NLGN1: variants seen among roughly 807,000 people sequenced by gnomAD.
The protein encoded by NLGN1 is neuroligin 1, also known as neuroligin-1.
NLGN1 carries 12 observed loss-of-function variants against 65.5 expected under a neutral mutation model. The observed-to-expected ratio is 0.18, with a 90% CI of 0.12 to 0.30. The LOEUF (loss-of-function observed/expected upper bound fraction) is 0.30, where lower values mean the gene tolerates loss of function less well. NLGN1 is among the 10% of genes least tolerant of loss of function. NLGN1 has a pLI of 1.00. For synonymous variants in NLGN1, 350 were observed against 359.5 expected (o/e 0.97, Z 0.30); for missense variants, 750 against 1,007.1 (o/e 0.74, Z 3.46).
intron 2 of NLGN1, among the ~76,000 whole-genome samples, chr3:173,489,746 G>A (rs563264997): frequency 4.6e-5 from 7 of 151,858 alleles, no homozygotes; most frequent in South Asian, 2.1e-4. Flanking sequence ...TCCAGCACCT[G>A]TTGTTTCCTG....
At chr3:173,469,439 T>G (rs1724946205) in intron 2 of NLGN1, among the ~76,000 whole-genome samples, 1 of 152,076 alleles carries the variant, frequency 6.6e-6, no homozygotes, top group African/African-American at 2.4e-5. Context: ...GCAGTCTGAT[T>G]ACACAGGCCA....
chr3:173,788,206 C>CAAAAAAA (rs537790655), intron 3 of NLGN1, among the ~76,000 whole-genome samples: 42 of 60,722 alleles, frequency 6.9e-4, no homozygotes, highest in East Asian at 3.2e-3. Flanking sequence ...TGACATTTTG[C>CAAAAAAA]AAAAAAAAAA....
chr3:173,438,721 A>G (rs891121628), intron 2 of NLGN1, among the ~76,000 whole-genome samples: 1 of 152,136 alleles, frequency 6.6e-6, no homozygotes, highest in Non-Finnish European at 1.5e-5. Flanking sequence ...ATTCTAAAGA[A>G]AGATTAAAGG....
intron 4 of NLGN1, among the ~76,000 whole-genome samples, chr3:174,076,555 G>A (rs1238374781): frequency 6.6e-6 from 1 of 152,080 alleles, no homozygotes. Flanking sequence ...ATGTTTTTCT[G>A]TATTCTCTTT....
At chr3:173,567,179 A>C (rs1040786884) in intron 2 of NLGN1, among the ~76,000 whole-genome samples, 3 of 152,102 alleles carry the variant, frequency 2.0e-5, no homozygotes, top group Non-Finnish European at 4.4e-5. Context: ...GAGAACTGTA[A>C]AACACATACA....
intron 2 of NLGN1, among the ~76,000 whole-genome samples, chr3:173,501,830 T>G (rs1353261612): frequency 6.6e-6 from 1 of 152,036 alleles, no homozygotes; most frequent in Non-Finnish European, 1.5e-5. Flanking sequence ...ATTTTTCTCT[T>G]TCTTATTAAA....
chr3:174,002,927 C>T lies in NLGN1; in HGVS notation c.646+195095C>T, dbSNP rs900968187. On this transcript the variant is annotated intron_variant, in intron 4 of 6. Transcript: ENST00000457714. ...AGGTCAGGATAAAGTCGTGAGTAGT[C>T]CATTTATCCATCAATTGTCAATGCT... is the stretch of plus-strand genomic sequence containing the variant. 2.0e-5 allele frequency among the ~76,000 whole-genome samples: 3 copies of T among 152,100 alleles called. 1 individual carries two copies. Among genetic ancestry groups the T allele is most frequent in the African/African-American group, 7.2e-5 (3 of 41,414 alleles).
intron 2 of NLGN1, among the ~76,000 whole-genome samples, chr3:173,498,510 A>G: frequency 6.6e-6 from 1 of 151,812 alleles, no homozygotes; most frequent in Non-Finnish European, 1.5e-5. Flanking sequence ...GCCGCAATAA[A>G]CATACGTGTG....
chr3:173,758,258 C>T lies in NLGN1; in HGVS notation c.494-49422C>T, dbSNP rs1365180987. Among the ~76,000 whole-genome samples the T allele has an allele frequency of 2.0e-5, 3 of 151,986 alleles. No individual in the cohort carries two copies. In the Admixed American group the frequency reaches 2.0e-4, roughly 10 times the overall value. On this transcript the variant is annotated intron_variant, in intron 3 of 6. Transcript: ENST00000457714. ...TTTGTCTTGATCTTGGATTTCCCAG[C>T]CTCCAGAACTGTGAGAAATAAATTT...
At chr3:174,208,510 C>T (rs1735838055) in intron 4 of NLGN1, among the ~76,000 whole-genome samples, 1 of 152,106 alleles carries the variant, frequency 6.6e-6, no homozygotes, top group South Asian at 2.1e-4. Context: ...AGTCTAGGGT[C>T]AGATATAGGG....
intron 3 of NLGN1, among the ~76,000 whole-genome samples, chr3:173,702,169 G>A (rs1165457007): frequency 2.7e-5 from 4 of 149,374 alleles, no homozygotes; most frequent in Non-Finnish European, 4.5e-5. Context: ...AACCCGGGAG[G>A]CGGAGCTTGC....
intron 4 of NLGN1, among the ~76,000 whole-genome samples, chr3:174,191,902 A>C (rs919816468): frequency 6.6e-6 from 1 of 152,158 alleles, no homozygotes; most frequent in African/African-American, 2.4e-5. Context: ...AATTTACTTT[A>C]AGTAGGTTCC....
intron 4 of NLGN1, among the ~76,000 whole-genome samples, chr3:174,079,949 T>C (rs1741797232): frequency 6.6e-6 from 1 of 152,064 alleles, no homozygotes; most frequent in Non-Finnish European, 1.5e-5. Flanking sequence ...AGGCTTAATA[T>C]CTGGGTGGTG....
In NLGN1 at chr3:174,017,764, A is replaced by G. The variant is rs542847129; in HGVS notation, c.646+209932A>G. Reference sequence around the variant, plus strand: ...TACAAATAGGGTGTGGGTCACAGAGATCACATGCTTCACAAGGTAATAAAA... The same window carrying G: ...TACAAATAGGGTGTGGGTCACAGAGGTCACATGCTTCACAAGGTAATAAAA... On this transcript the variant is annotated intron_variant, in intron 4 of 6. Coordinates refer to ENST00000457714, the Ensembl canonical transcript of NLGN1. 2.0e-5 allele frequency among the ~76,000 whole-genome samples: 3 copies of G among 152,248 alleles called. No homozygotes were observed. In the East Asian group the frequency reaches 5.8e-4, roughly 29 times the overall value.
intron 4 of NLGN1, among the ~76,000 whole-genome samples, chr3:173,873,811 CAA>C (rs1731630620): frequency 6.6e-6 from 1 of 151,974 alleles, no homozygotes; most frequent in African/African-American, 2.4e-5. Context: ...AACTGTTTCC[CAA>C]AAAAGTCATA....
At chr3:173,974,935 A>G (rs561060305) in intron 4 of NLGN1, among the ~76,000 whole-genome samples, 1 of 152,204 alleles carries the variant, frequency 6.6e-6, no homozygotes, top group South Asian at 2.1e-4. Context: ...TCAAGAGCCA[A>G]TAACCCTTTT....
At chr3:173,959,070 C>G (rs954099291) in intron 4 of NLGN1, among the ~76,000 whole-genome samples, 1 of 152,194 alleles carries the variant, frequency 6.6e-6, no homozygotes, top group African/African-American at 2.4e-5. Context: ...CCCAGGCCCT[C>G]GAGAGTGCAG....
chr3:173,462,484 G>A (rs946998253), intron 2 of NLGN1, among the ~76,000 whole-genome samples: 1 of 151,976 alleles, frequency 6.6e-6, no homozygotes, highest in South Asian at 2.1e-4. Flanking sequence ...TTTAATTCCT[G>A]GACTTAAGGC....
In NLGN1 at chr3:173,632,860, T is replaced by G. The variant is rs1488673612; in HGVS notation, c.493+27769T>G. ...GTGTTTTTTTTTTTGTTTTTTTTTT[T>G]TTTTTTTAATAGTTGTCTTCTCAAA... is the stretch of plus-strand genomic sequence containing the variant. On this transcript the variant is annotated intron_variant, in intron 3 of 6. Coordinates refer to ENST00000457714, the Ensembl canonical transcript of NLGN1. 8.0e-5 allele frequency among the ~76,000 whole-genome samples: 12 copies of G among 150,540 alleles called. No homozygotes were observed. The East Asian group carries it at 9.7e-4, about 12-fold the overall frequency.
Sources: allele counts gnomAD v4.1 joint callset (sites outside exome capture counted in the v4.1 genomes callset), GRCh38; gene constraint gnomAD v4.1.1; transcripts MANE v1.5; gene names NCBI Gene and HGNC (gene_info 2026-07-23, HGNC 2026-07-21).